FREM1: variants seen among roughly 807,000 people sequenced by gnomAD.
FREM1 encodes FRAS1 related extracellular matrix 1.
Under a neutral mutation model 210.1 loss-of-function variants are expected in FREM1, and 220 were observed. The observed-to-expected ratio is 1.05, with a 90% CI of 0.94 to 1.17. The LOEUF is 1.17. Ranked by LOEUF, FREM1 falls within the 50% of genes most tolerant of loss-of-function variation. The probability of loss-of-function intolerance (pLI) is 0.00; values close to 1 mark genes in which losing one functional copy is unlikely to be tolerated. For synonymous variants in FREM1, 1,189 were observed against 980.2 expected (o/e 1.21, Z -3.98); for missense variants, 3,454 against 2,675.5 (o/e 1.29, Z -6.42).
chr9:14,845,524 T>C (rs7022038), intron 8 of FREM1, among the ~76,000 whole-genome samples: 14,796 of 152,202 alleles, frequency 0.097, 1,272 homozygotes, highest in East Asian at 0.44. Flanking sequence ...AGGCTGGTCT[T>C]GAACTCCTGA....
At chr9:14,845,752 G>A (rs886415410) in intron 8 of FREM1, among the ~76,000 whole-genome samples, 12 of 152,260 alleles carry the variant, frequency 7.9e-5, no homozygotes, top group Middle Eastern at 3.4e-3. Context: ...AATGAGCCAC[G>A]TACAAGGTAC....
At chr9:14,879,998 T>A (rs937430105) in intron 1 of FREM1, among the ~76,000 whole-genome samples, 1 of 152,026 alleles carries the variant, frequency 6.6e-6, no homozygotes, top group Admixed American at 6.6e-5. Context: ...GTGATGGGAT[T>A]AGGAGGTAGG....
At chr9:14,773,015 T>G (rs995851552) in intron 25 of FREM1, among the ~76,000 whole-genome samples, 2 of 152,200 alleles carry the variant, frequency 1.3e-5, no homozygotes, top group African/African-American at 4.8e-5. Context: ...AAATATATCC[T>G]AGATCTTATT....
At chr9:14,747,757 C>G in intron 31 of FREM1, 29 bp from the exon 32 acceptor site, 1 of 1,449,830 alleles carries the variant, frequency 6.9e-7, no homozygotes, top group African/African-American at 1.4e-5. Context: ...AAAATATGAA[C>G]AGAATTGGAT....
chr9:14,894,327 T>G (rs1216439032), intron 1 of FREM1, among the ~76,000 whole-genome samples: 1 of 152,250 alleles, frequency 6.6e-6, no homozygotes, highest in Non-Finnish European at 1.5e-5. Flanking sequence ...AAACAAAATT[T>G]CCTTGCCAAT....
At chr9:14,854,765 A>G (rs1353617273) in intron 5 of FREM1, among the ~76,000 whole-genome samples, 4 of 152,106 alleles carry the variant, frequency 2.6e-5, no homozygotes, top group Non-Finnish European at 4.4e-5. Flanking sequence ...TCTGTTTATC[A>G]TCAATAACCA....
Position 14,861,184 on chromosome 9 carries a change from CACATATAT to C in FREM1, c.330-1708_330-1701del, listed in dbSNP as rs1411753714. 8.3e-5 allele frequency among the ~76,000 whole-genome samples: 10 copies of C among 119,916 alleles called. No individual in the cohort carries two copies. The South Asian group carries it at 2.3e-3, about 27-fold the overall frequency. The allele number at this position is 119,916 out of a possible 152,430, so 78.7% of individuals were successfully genotyped here. On this transcript the variant is annotated intron_variant, in intron 3 of 36. Coordinates refer to ENST00000380880, the MANE Select transcript of FREM1 (RefSeq NM_001379081.2). ...ATATACACATGTATGTACATATATA[CACATATAT>C]ACATATATACACACATATACATATA...
chr9:14,908,515 C>T (rs1016215260), intron 1 of FREM1, among the ~76,000 whole-genome samples: 9 of 150,914 alleles, frequency 6.0e-5, no homozygotes, highest in Admixed American at 5.3e-4. Flanking sequence ...TTTTTTCCCT[C>T]GTGGGAATGA....
intron 35 of FREM1, among the ~76,000 whole-genome samples, chr9:14,746,101 A>C (rs1842376405): frequency 6.6e-6 from 1 of 151,870 alleles, no homozygotes; most frequent in Non-Finnish European, 1.5e-5. Flanking sequence ...AAAAGAGCTC[A>C]GTCAAATATT....
At chr9:14,807,442 C>G (rs1396642436) in intron 17 of FREM1, among the ~76,000 whole-genome samples, 1 of 151,976 alleles carries the variant, frequency 6.6e-6, no homozygotes, top group Non-Finnish European at 1.5e-5. Context: ...ATATTTTTTT[C>G]TGAGAGACAG....
chr9:14,748,526 G>T lies in FREM1; in HGVS notation c.5671C>A (p.His1891Asn), dbSNP rs1393840767. The T allele has an allele frequency of 1.9e-6, 3 of 1,613,706 alleles. No individual in the cohort carries two copies. The African/African-American group carries it at 4.0e-5, about 22-fold the overall frequency. Residue 1891 changes from histidine (H) to asparagine (N), a missense_variant, in exon 31 of 37, where the codon CAT becomes AAT. By Grantham distance (68) the His-to-Asn change is moderately conservative. Transcript: ENST00000380880. ...GATGGAAGAGGTCTTCTTTCCAGATGAAAGGAACCAGAAGTGGTGGATGAG... is the reference window on the plus strand; with the variant it reads ...GATGGAAGAGGTCTTCTTTCCAGATTAAAGGAACCAGAAGTGGTGGATGAG... ...SSSSTTSGSF[H>N]LERRPLPSSM...
rs143635958 is a variant in FREM1, at chr9:14,809,987, C to T, written c.2894-1853G>A. ...TAAATGGCAATTTTATGTATTCCGG[C>T]CTGATCGTGTGCAAGGTGCTGAGGG... On this transcript the variant is annotated intron_variant, in intron 16 of 36. Coordinates refer to ENST00000380880, the MANE Select transcript of FREM1 (RefSeq NM_001379081.2). Among the ~76,000 whole-genome samples the T allele has an allele frequency of 3.0e-3, 453 of 152,098 alleles. 2 individuals carry two copies. Among genetic ancestry groups the T allele is most frequent in the South Asian group, 8.1e-3 (39 of 4,812 alleles).
rs781445348 is a variant in FREM1, at chr9:14,784,518, C to T, written c.4294G>A (p.Val1432Ile). Residue 1432 changes from valine (V) to isoleucine (I), a missense_variant, in exon 24 of 37, where the codon GTC becomes ATC. Physicochemically the swap from Val to Ile is conservative, Grantham distance 29. Coordinates refer to ENST00000380880, the MANE Select transcript of FREM1 (RefSeq NM_001379081.2). ...GTDKPEELLY[V>I]ITSPPRYGQI... Reference sequence around the variant, plus strand: ...CCATATCGCGGAGGGGAGGTGATGACATAGAGCAGTTCCTCAGGCTTGTCT... The same window carrying T: ...CCATATCGCGGAGGGGAGGTGATGATATAGAGCAGTTCCTCAGGCTTGTCT... The T allele has an allele frequency of 1.2e-6, 2 of 1,613,846 alleles. No individual in the cohort carries two copies. The highest frequency in any genetic ancestry group is 1.1e-5 in the South Asian group (1 of 91,058).
chr9:14,859,298 G>T lies in FREM1; in HGVS notation c.516C>A (p.Thr172=), dbSNP rs41265310. The change falls in exon 4 of 37, where the codon ACC becomes ACA. Residue 172 remains threonine, a synonymous_variant. Coordinates refer to ENST00000380880, the MANE Select transcript of FREM1 (RefSeq NM_001379081.2). ...GAGTTCTCGCAGTGTCCAGGCTGACGGTACATTCCAGGCTAGCCATCCTAT... is the reference window on the plus strand; with the variant it reads ...GAGTTCTCGCAGTGTCCAGGCTGACTGTACATTCCAGGCTAGCCATCCTAT... ...DYDRMASLEC[T]VSLDTARTRL... The T allele has an allele frequency of 9.9e-6, 16 of 1,613,608 alleles. No individual in the cohort carries two copies. In the African/African-American group the frequency reaches 2.1e-4, roughly 22 times the overall value.
rs74481845 is a variant in FREM1 at position 14,880,883 on chromosome 9, T to C, written c.-267-11639A>G. On this transcript the variant is annotated intron_variant, in intron 1 of 36. Coordinates refer to ENST00000380880, the MANE Select transcript of FREM1 (RefSeq NM_001379081.2). ...TTATGTTGCTTAACCGAAAATAAATTGAAGAAAGTCACCAATATAATTAGT... is the reference window on the plus strand; with the variant it reads ...TTATGTTGCTTAACCGAAAATAAATCGAAGAAAGTCACCAATATAATTAGT... Among the ~76,000 whole-genome samples, 827 of 152,304 alleles carry C rather than the reference T, an allele frequency of 5.4e-3. 10 individuals are homozygous for C. Among genetic ancestry groups the C allele is most frequent in the Non-Finnish European group, 4.6e-3 (314 of 68,020 alleles).
intron 27 of FREM1, among the ~76,000 whole-genome samples, chr9:14,767,244 T>C (rs539780607): frequency 6.6e-6 from 1 of 152,306 alleles, no homozygotes; most frequent in Non-Finnish European, 1.5e-5. Context: ...ATCTATAATG[T>C]ACATGTTAAA....
chr9:14,743,490 T>TA (rs556188475), intron 35 of FREM1, among the ~76,000 whole-genome samples: 3 of 152,028 alleles, frequency 2.0e-5, no homozygotes, highest in Non-Finnish European at 2.9e-5. Context: ...AACAGTCCTT[T>TA]AAAAAAACAC....
chr9:14,805,182 T>C, intron 18 of FREM1, 30 bp from the exon 19 acceptor site: 1 of 1,356,560 alleles, frequency 7.4e-7, no homozygotes, highest in Non-Finnish European at 9.8e-7. Context: ...AACAGATAAA[T>C]AAAAAAAAAA....
intron 36 of FREM1, among the ~76,000 whole-genome samples, chr9:14,737,952 A>G (rs2131824428): frequency 6.6e-6 from 1 of 152,200 alleles, no homozygotes; most frequent in East Asian, 1.9e-4. Context: ...AATAAATGGC[A>G]GCTATTATTA....
Sources: allele counts gnomAD v4.1 joint callset (sites outside exome capture counted in the v4.1 genomes callset), GRCh38; gene constraint gnomAD v4.1.1; transcripts MANE v1.5; gene names NCBI Gene and HGNC (gene_info 2026-07-23, HGNC 2026-07-21).